The following UGGT2 variants were observed in gnomAD, a reference collection of about 807,000 sequenced individuals.
UGGT2 encodes UDP-glucose glycoprotein glucosyltransferase 2.
UGGT2 carries 180 observed loss-of-function variants against 192.1 expected under a neutral mutation model. The observed-to-expected ratio is 0.94, with a 90% CI of 0.83 to 1.06. The LOEUF (loss-of-function observed/expected upper bound fraction) is 1.06. Among genes scored for constraint, UGGT2 ranks in the 50% least tolerant of loss-of-function variants. The probability of loss-of-function intolerance (pLI) is 0.00; values close to 1 mark genes in which losing one functional copy is unlikely to be tolerated. For missense variants in UGGT2, 1,849 were observed against 1,795.7 expected (o/e 1.03, Z -0.54); for synonymous variants, 580 against 591.0 (o/e 0.98, Z 0.27).
intron 36 of UGGT2, among the ~76,000 whole-genome samples, chr13:95,840,769 C>T (rs1006291183): frequency 2.0e-5 from 3 of 152,132 alleles, no homozygotes; most frequent in Admixed American, 6.5e-5. Context: ...TACCGCAGCA[C>T]TATTTACAAT....
chr13:95,880,093 G>T (rs910255794), intron 27 of UGGT2, among the ~76,000 whole-genome samples: 7 of 152,034 alleles, frequency 4.6e-5, no homozygotes, highest in Non-Finnish European at 7.4e-5. Context: ...CTTTCCCTGT[G>T]TCCATGGAAC....
intron 5 of UGGT2, among the ~76,000 whole-genome samples, chr13:96,002,425 C>T (rs1345415807): frequency 2.0e-5 from 3 of 152,204 alleles, no homozygotes; most frequent in African/African-American, 7.2e-5. Flanking sequence ...TGTTTTACAT[C>T]TCTTGCCACT....
intron 11 of UGGT2, among the ~76,000 whole-genome samples, chr13:95,971,181 C>T (rs1171780613): frequency 6.6e-6 from 1 of 152,182 alleles, no homozygotes; most frequent in Non-Finnish European, 1.5e-5. Context: ...AGGAAGGGAG[C>T]ACAAAATAAA....
chr13:95,902,187 G>A (rs923093735), intron 21 of UGGT2, among the ~76,000 whole-genome samples: 1 of 152,104 alleles, frequency 6.6e-6, no homozygotes, highest in Non-Finnish European at 1.5e-5. Flanking sequence ...CCTCAGCAAT[G>A]ACCAGAAATC....
intron 9 of UGGT2, among the ~76,000 whole-genome samples, chr13:95,984,105 C>A (rs1440808232): frequency 6.6e-6 from 1 of 152,134 alleles, no homozygotes; most frequent in South Asian, 2.1e-4. Context: ...GGATTGTCAT[C>A]ATTTACTATG....
intron 1 of UGGT2, among the ~76,000 whole-genome samples, chr13:96,045,261 A>G (rs530845724): frequency 2.0e-5 from 3 of 152,352 alleles, no homozygotes; most frequent in Non-Finnish European, 4.4e-5. Context: ...TAGACGCAGA[A>G]AAAGCATTTG....
intron 20 of UGGT2, among the ~76,000 whole-genome samples, chr13:95,909,346 C>A (rs2048399128): frequency 6.6e-6 from 1 of 151,704 alleles, no homozygotes; most frequent in South Asian, 2.1e-4. Flanking sequence ...AGACTTGGAA[C>A]CAACCCAAAT....
chr13:96,009,322 A>G (rs553675113), intron 5 of UGGT2, among the ~76,000 whole-genome samples: 80 of 152,346 alleles, frequency 5.3e-4, no homozygotes, highest in African/African-American at 1.9e-3. Context: ...CAATTGCAAC[A>G]AAAACAAAAA....
chr13:95,837,306 A>C, intron 36 of UGGT2, 104 bp from the exon 37 acceptor site: 1 of 767,698 alleles, frequency 1.3e-6, no homozygotes, highest in Non-Finnish European at 2.3e-6. Flanking sequence ...AGATCATAAA[A>C]CATATGCAAA....
chr13:95,809,592 C>G (rs1019005321), intron 38 of UGGT2: 1 of 253,792 alleles, frequency 3.9e-6, no homozygotes, highest in African/African-American at 2.3e-5. Flanking sequence ...TTCGGTGGAG[C>G]TGACCTTCCT....
At chr13:95,842,547 C>T (rs1161759905) in intron 36 of UGGT2, among the ~76,000 whole-genome samples, 2 of 152,144 alleles carry the variant, frequency 1.3e-5, no homozygotes, top group Non-Finnish European at 2.9e-5. Context: ...TATCCATTCT[C>T]TCGTGCAATT....
intron 22 of UGGT2, among the ~76,000 whole-genome samples, chr13:95,896,885 G>C (rs1003347099): frequency 2.6e-5 from 4 of 152,008 alleles, no homozygotes; most frequent in African/African-American, 9.7e-5. Context: ...TAGAATAATT[G>C]CTGTAACAGA....
chr13:95,878,464 C>T (rs899000241), intron 27 of UGGT2, among the ~76,000 whole-genome samples: 1 of 152,072 alleles, frequency 6.6e-6, no homozygotes, highest in Non-Finnish European at 1.5e-5. Context: ...TTTCATTAAA[C>T]ATGGTTTTCT....
chr13:95,814,449 G>C (rs942415920), intron 38 of UGGT2, among the ~76,000 whole-genome samples: 4 of 152,212 alleles, frequency 2.6e-5, no homozygotes, highest in African/African-American at 7.2e-5. Context: ...TTGGACCTGT[G>C]TGGGCCTGTA....
At chr13:95,807,324 A>C (rs1466056364) in intron 38 of UGGT2, among the ~76,000 whole-genome samples, 1 of 152,166 alleles carries the variant, frequency 6.6e-6, no homozygotes, top group Non-Finnish European at 1.5e-5. Context: ...AGGTGGCAGA[A>C]GTGGAAGAGG....
chr13:95,880,118 A>G (rs543311919), intron 27 of UGGT2, among the ~76,000 whole-genome samples: 1 of 152,286 alleles, frequency 6.6e-6, no homozygotes, highest in South Asian at 2.1e-4. Context: ...TAATTTTTCT[A>G]ATAGGATATT....
chr13:95,856,653 A>C (rs756513420), intron 33 of UGGT2: 1 of 425,566 alleles, frequency 2.3e-6, no homozygotes, highest in South Asian at 1.8e-5. Context: ...ACTTGAGAAA[A>C]CTGACTTAAA....
intron 38 of UGGT2, among the ~76,000 whole-genome samples, chr13:95,829,853 G>A (rs1351974503): frequency 6.6e-6 from 1 of 152,134 alleles, no homozygotes; most frequent in Non-Finnish European, 1.5e-5. Context: ...CAAAGCTGGA[G>A]GCATCATGCT....
chr13:95,835,692 A>G (rs1887203423), intron 37 of UGGT2, among the ~76,000 whole-genome samples: 1 of 152,138 alleles, frequency 6.6e-6, no homozygotes, highest in African/African-American at 2.4e-5. Context: ...CTTGTAAACA[A>G]TTTTCTACAC....
Sources: gnomAD v4.1 joint callset for allele counts (sites outside exome capture counted in the v4.1 genomes callset) on GRCh38, gnomAD v4.1.1 for gene constraint, MANE v1.5 for transcripts, NCBI Gene and HGNC (gene_info 2026-07-23, HGNC 2026-07-21) for gene names.